Variants in DCDC1 observed in about 807,000 individuals in gnomAD.
DCDC1 encodes doublecortin domain containing 1, also known as doublecortin domain-containing protein 1.
Under a neutral mutation model 178.3 loss-of-function variants are expected in DCDC1, and 200 were observed. That is an observed-to-expected ratio of 1.12 (90% CI 1.00 to 1.26). The LOEUF is 1.26. Among genes scored for constraint, DCDC1 ranks in the 50% most tolerant of loss-of-function variants. The pLI, the probability that DCDC1 is intolerant of heterozygous loss-of-function variation, is 0.00. For missense variants in DCDC1, 1,983 were observed against 1,749.2 expected (o/e 1.13, Z -2.38); for synonymous variants, 690 against 604.8 (o/e 1.14, Z -2.07).
chr11:31,368,942 A>ACACCAC (rs534970534), intron 1 of DCDC1, among the ~76,000 whole-genome samples: 2 of 151,714 alleles, frequency 1.3e-5, no homozygotes, highest in South Asian at 2.1e-4. Flanking sequence ...GGTGAGAAAA[A>ACACCAC]CACCACCACC....
At chr11:31,062,664 TTAAA>T (rs1955999819) in intron 20 of DCDC1, among the ~76,000 whole-genome samples, 1 of 152,098 alleles carries the variant, frequency 6.6e-6, no homozygotes, top group Non-Finnish European at 1.5e-5. Context: ...AAATAATAAA[TTAAA>T]TAAATAATAA....
chr11:31,077,018 C>A (rs1170940735), intron 18 of DCDC1, among the ~76,000 whole-genome samples: 1 of 152,112 alleles, frequency 6.6e-6, no homozygotes, highest in East Asian at 1.9e-4. Context: ...TGTTTTCCTT[C>A]TTGGATAAAA....
intron 20 of DCDC1, among the ~76,000 whole-genome samples, chr11:31,049,590 A>T (rs1955100332): frequency 6.6e-6 from 1 of 152,160 alleles, no homozygotes; most frequent in Admixed American, 6.5e-5. Flanking sequence ...CGACTGCATG[A>T]ATAAACCAGC....
At chr11:31,223,453 T>C (rs1307741271) in intron 9 of DCDC1, among the ~76,000 whole-genome samples, 2 of 152,192 alleles carry the variant, frequency 1.3e-5, no homozygotes, top group African/African-American at 4.8e-5. Context: ...CCCACAATGA[T>C]ATGCATACTG....
At chr11:31,091,187 T>G (rs1591012179) in intron 17 of DCDC1, among the ~76,000 whole-genome samples, 1 of 152,342 alleles carries the variant, frequency 6.6e-6, no homozygotes, top group African/African-American at 2.4e-5. Context: ...ACATTTCACC[T>G]TTTAAATATC....
At chr11:31,166,566 G>A (rs2136195194) in intron 9 of DCDC1, among the ~76,000 whole-genome samples, 1 of 152,236 alleles carries the variant, frequency 6.6e-6, no homozygotes, top group South Asian at 2.1e-4. Flanking sequence ...GAGTTGGAGA[G>A]AAAAGATGCT....
intron 9 of DCDC1, among the ~76,000 whole-genome samples, chr11:31,187,846 C>A (rs908404479): frequency 6.6e-6 from 1 of 152,152 alleles, no homozygotes; most frequent in Non-Finnish European, 1.5e-5. Context: ...CCCATCCCTT[C>A]GCCAAATAAT....
chr11:30,956,061 A>G (rs572019134), intron 20 of DCDC1, among the ~76,000 whole-genome samples: 1 of 152,204 alleles, frequency 6.6e-6, no homozygotes, highest in Admixed American at 6.5e-5. Flanking sequence ...CTGTCATCTA[A>G]CTGGCAGGAG....
intron 22 of DCDC1, 52 bp from the exon 23 acceptor site, chr11:30,925,460 C>A: frequency 6.6e-7 from 1 of 1,506,510 alleles, no homozygotes; most frequent in Non-Finnish European, 9.2e-7. Flanking sequence ...CTTCCAGCAG[C>A]AAAGAGAGAA....
chr11:31,306,820 GTTCT>G (rs760476281), intron 4 of DCDC1, among the ~76,000 whole-genome samples: 40 of 151,958 alleles, frequency 2.6e-4, no homozygotes, highest in Non-Finnish European at 5.6e-4. Context: ...GTTTATCAAA[GTTCT>G]TTAACTTTTT....
intron 3 of DCDC1, 105 bp from the exon 4 acceptor site, chr11:31,308,013 TAC>T: frequency 7.0e-7 from 1 of 1,428,268 alleles, no homozygotes; most frequent in Non-Finnish European, 9.5e-7. Flanking sequence ...CACAAAATAC[TAC>T]ACACTTAGCC....
intron 20 of DCDC1, among the ~76,000 whole-genome samples, chr11:31,005,955 A>G (rs1951819051): frequency 7.0e-6 from 1 of 143,274 alleles, no homozygotes; most frequent in African/African-American, 2.6e-5. Context: ...TATTCCTGAA[A>G]AAAAAAAAAA....
At chr11:31,149,638 A>G (rs1964940277) in intron 9 of DCDC1, among the ~76,000 whole-genome samples, 2 of 151,894 alleles carry the variant, frequency 1.3e-5, no homozygotes, top group African/African-American at 4.8e-5. Flanking sequence ...CATAACACTC[A>G]CCACGAGGGT....
rs79942595 is a variant in DCDC1 at position 30,907,410 on chromosome 11, A to G, written c.3919-685T>C. On this transcript the variant is annotated intron_variant, in intron 29 of 38. Coordinates refer to ENST00000684477, the MANE Select transcript of DCDC1 (RefSeq NM_001387274.1). ...AAAATGTGACAGTTTTGGTCCTCCA[A>G]TCGGGAAGTACGATCTTTCTCCTTT... 7.1e-3 allele frequency among the ~76,000 whole-genome samples: 1,074 copies of G among 152,278 alleles called. 12 individuals are homozygous for G. Among genetic ancestry groups the G allele is most frequent in the African/African-American group, 0.025 (1,023 of 41,550 alleles).
chr11:31,255,005 C>T (rs1043380023), intron 8 of DCDC1, among the ~76,000 whole-genome samples: 1 of 152,080 alleles, frequency 6.6e-6, no homozygotes, highest in South Asian at 2.1e-4. Flanking sequence ...TGGATTTATT[C>T]GCTCTGGATG....
At chr11:31,060,462 G>C (rs1325498006) in intron 20 of DCDC1, among the ~76,000 whole-genome samples, 2 of 152,016 alleles carry the variant, frequency 1.3e-5, no homozygotes, top group African/African-American at 4.8e-5. Flanking sequence ...ATATCTCCTA[G>C]TGATTACAAT....
intron 20 of DCDC1, among the ~76,000 whole-genome samples, chr11:30,997,297 G>T (rs1575231): frequency 6.6e-6 from 1 of 152,174 alleles, no homozygotes; most frequent in African/African-American, 2.4e-5. Context: ...AAAACTCATA[G>T]AACTGTATGC....
chr11:30,925,625 T>C (rs946953926), intron 22 of DCDC1, among the ~76,000 whole-genome samples: 1 of 152,148 alleles, frequency 6.6e-6, no homozygotes, highest in African/African-American at 2.4e-5. Context: ...TGTCTAAGGC[T>C]AGATTTCTTA....
intron 36 of DCDC1, among the ~76,000 whole-genome samples, chr11:30,888,028 GAGAGAGAA>G (rs1206925072): frequency 1.5e-5 from 2 of 131,824 alleles, no homozygotes; most frequent in African/African-American, 6.5e-5. Context: ...GAAAGAGAGA[GAGAGAGAA>G]AGAAAGAAAG....
Sources: allele counts gnomAD v4.1 joint callset (sites outside exome capture counted in the v4.1 genomes callset), GRCh38; gene constraint gnomAD v4.1.1; transcripts MANE v1.5; gene names NCBI Gene and HGNC (gene_info 2026-07-23, HGNC 2026-07-21).